OXR1: variants seen among roughly 807,000 people sequenced by gnomAD.
OXR1 encodes the protein oxidation resistance protein 1.
A neutral mutation model predicts 104.6 loss-of-function variants in OXR1; 41 were observed. That is an observed-to-expected ratio of 0.39 (90% CI 0.31 to 0.51). OXR1 has a LOEUF of 0.51. OXR1 is among the 20% of genes least tolerant of loss of function. The pLI, the probability that OXR1 is intolerant of heterozygous loss-of-function variation, is 0.77. For synonymous variants in OXR1, 348 were observed against 348.4 expected (o/e 1.00, Z 0.01); for missense variants, 955 against 1,031.9 (o/e 0.93, Z 1.02).
At chr8:106,552,731 G>A (rs1815941306) in intron 3 of OXR1, among the ~76,000 whole-genome samples, 1 of 152,160 alleles carries the variant, frequency 6.6e-6, no homozygotes, top group Non-Finnish European at 1.5e-5. Flanking sequence ...CTGATGGATG[G>A]AGGTGGCTGA....
chr8:106,620,135 A>G (rs1278550129), intron 3 of OXR1, among the ~76,000 whole-genome samples: 1 of 152,174 alleles, frequency 6.6e-6, no homozygotes, highest in Non-Finnish European at 1.5e-5. Context: ...TAGGCACTTA[A>G]TAAGTGCTTA....
chr8:106,689,043 A>G (rs574347095), intron 6 of OXR1, among the ~76,000 whole-genome samples: 2 of 152,164 alleles, frequency 1.3e-5, no homozygotes, highest in Non-Finnish European at 2.9e-5. Flanking sequence ...TTCTTTAATT[A>G]CCTATATTAG....
chr8:106,330,909 A>G (rs745770480), intron 1 of OXR1, among the ~76,000 whole-genome samples: 1 of 152,222 alleles, frequency 6.6e-6, no homozygotes, highest in East Asian at 1.9e-4. Context: ...AAAAATATTC[A>G]TTCTTCCCTG....
chr8:106,320,970 C>T (rs1814192211), intron 1 of OXR1, among the ~76,000 whole-genome samples: 1 of 152,210 alleles, frequency 6.6e-6, no homozygotes, highest in Non-Finnish European at 1.5e-5. Context: ...CCACGCCTAG[C>T]CTCTTTCTCT....
At chr8:106,382,779 T>C (rs1817208985) in intron 2 of OXR1, among the ~76,000 whole-genome samples, 1 of 146,698 alleles carries the variant, frequency 6.8e-6, no homozygotes, top group South Asian at 2.2e-4. Context: ...TGTAATATAA[T>C]TCCAATAAAT....
chr8:106,595,564 A>G (rs1454285728), intron 3 of OXR1, among the ~76,000 whole-genome samples: 3 of 151,808 alleles, frequency 2.0e-5, no homozygotes. Context: ...AAAAAAAAAA[A>G]AAAAAAGAAA....
chr8:106,479,167 G>A (rs1044966200), intron 2 of OXR1, among the ~76,000 whole-genome samples: 4 of 151,898 alleles, frequency 2.6e-5, no homozygotes, highest in Non-Finnish European at 5.9e-5. Context: ...ACAATAATTA[G>A]CTTTTTGGAT....
chr8:106,337,605 A>G (rs1274986693), intron 1 of OXR1, among the ~76,000 whole-genome samples: 1 of 152,226 alleles, frequency 6.6e-6, no homozygotes, highest in Non-Finnish European at 1.5e-5. Context: ...TCAGATGCCT[A>G]TTGATCTGGG....
chr8:106,270,865 G>A (rs1032222136), intron 1 of OXR1, among the ~76,000 whole-genome samples: 2 of 152,170 alleles, frequency 1.3e-5, no homozygotes, highest in Admixed American at 6.5e-5. Flanking sequence ...ATTTGGACGA[G>A]AGCAAAGGAC....
intron 1 of OXR1, among the ~76,000 whole-genome samples, chr8:106,342,044 T>TAAA (rs35232318): frequency 6.9e-6 from 1 of 145,552 alleles, no homozygotes; most frequent in African/African-American, 2.6e-5. Flanking sequence ...CCCAGCTGAT[T>TAAA]AAAAAAAAAA....
At chr8:106,545,371 CA>C (rs1815274273) in intron 3 of OXR1, among the ~76,000 whole-genome samples, 1 of 152,058 alleles carries the variant, frequency 6.6e-6, no homozygotes, top group Admixed American at 6.6e-5. Flanking sequence ...GTACAAAAAT[CA>C]ATAACTATCA....
chr8:106,350,370 T>C (rs1250263662), intron 1 of OXR1, among the ~76,000 whole-genome samples: 1 of 152,192 alleles, frequency 6.6e-6, no homozygotes, highest in Non-Finnish European at 1.5e-5. Flanking sequence ...TGCTGTAAGG[T>C]TCATAACTGT....
chr8:106,290,707 T>G (rs898541434), intron 1 of OXR1, among the ~76,000 whole-genome samples: 2 of 152,150 alleles, frequency 1.3e-5, no homozygotes, highest in Non-Finnish European at 2.9e-5. Flanking sequence ...TCATCATCAC[T>G]AATCAGCGTA....
intron 14 of OXR1, among the ~76,000 whole-genome samples, chr8:106,742,004 G>GA (rs1466935579): frequency 6.6e-6 from 1 of 151,824 alleles, no homozygotes; most frequent in African/African-American, 2.4e-5. Flanking sequence ...TAAAAACTAG[G>GA]AAAAAATCTG....
chr8:106,321,662 A>G (rs1814223267), intron 1 of OXR1, among the ~76,000 whole-genome samples: 1 of 152,216 alleles, frequency 6.6e-6, no homozygotes, highest in Admixed American at 6.5e-5. Context: ...CCCACCAACT[A>G]AAGGCACAGC....
rs60404483 is a variant in OXR1 at position 106,671,044 on chromosome 8, C to CAAA, written c.221-8149_221-8147dup. ...TGGGTGACAGAGTGAGACTCTGTCT[C>CAAA]AAAAAAAAAAAAAAAAAAAGAATGG... On this transcript the variant is annotated intron_variant, in intron 3 of 16. Transcript: ENST00000517566. Among the ~76,000 whole-genome samples, 30 of 48,932 alleles carry CAAA rather than the reference C, an allele frequency of 6.1e-4. 4 individuals are homozygous for CAAA. Among genetic ancestry groups the CAAA allele is most frequent in the African/African-American group, 2.6e-3 (21 of 8,156 alleles). The allele number at this position is 48,932 out of a possible 152,430, so 32.1% of individuals were successfully genotyped here.
intron 3 of OXR1, among the ~76,000 whole-genome samples, chr8:106,526,298 C>T (rs1460231810): frequency 6.6e-6 from 1 of 152,008 alleles, no homozygotes; most frequent in African/African-American, 2.4e-5. Context: ...TTGTTTTTCA[C>T]CTTCCTTGGA....
At chr8:106,519,710 A>T (rs2130114377) in intron 3 of OXR1, among the ~76,000 whole-genome samples, 1 of 152,306 alleles carries the variant, frequency 6.6e-6, no homozygotes, top group African/African-American at 2.4e-5. Flanking sequence ...AATGACATCC[A>T]GGCCCTTCAT....
At chr8:106,611,305 CCTGT>C (rs1160695428) in intron 3 of OXR1, among the ~76,000 whole-genome samples, 1 of 152,140 alleles carries the variant, frequency 6.6e-6, no homozygotes, top group Admixed American at 6.6e-5. Flanking sequence ...AGAAAAGAGG[CCTGT>C]CTGTGTTCAA....
Sources: allele counts gnomAD v4.1 joint callset (sites outside exome capture counted in the v4.1 genomes callset), GRCh38; gene constraint gnomAD v4.1.1; transcripts MANE v1.5; gene names NCBI Gene and HGNC (gene_info 2026-07-23, HGNC 2026-07-21).